Variants in C4orf54 observed in about 807,000 individuals in gnomAD.
C4orf54 encodes the protein uncharacterized protein C4orf54.
A neutral mutation model predicts 80.1 loss-of-function variants in C4orf54; 67 were observed. The observed-to-expected ratio is 0.84, with a 90% CI of 0.69 to 1.03. The LOEUF is 1.03. Ranked by LOEUF, C4orf54 falls within the 50% of genes least tolerant of loss-of-function variation. C4orf54 has a pLI of 0.00. For synonymous variants in C4orf54, 1,000 were observed against 917.0 expected, an observed-to-expected ratio of 1.09 and a Z score of -1.64; for missense variants, 2,434 against 2,253.5, an observed-to-expected ratio of 1.08 and a Z score of -1.62.
chr4:99,651,220 G>C lies in C4orf54; in HGVS notation c.3429C>G (p.Gly1143=). ...CCATGGGGGACAGGGATCCAGATCC[G>C]CCAGCTGCTGCAGACAGCTGCCTGG... ...PKPRQLSAAA[G]GSGSLSPMVI... Residue 1143 remains glycine (G), a synonymous_variant, in exon 2 of 3, where the codon GGC becomes GGG. Coordinates refer to ENST00000511828, the MANE Select transcript of C4orf54 (RefSeq NM_001354435.2). The C allele has an allele frequency of 6.5e-7, 1 of 1,536,134 alleles. No homozygotes were observed. Among genetic ancestry groups the C allele is most frequent in the Non-Finnish European group, 8.7e-7 (1 of 1,146,912 alleles).
At chr4:99,643,792 AC>A (rs10714195) in intron 2 of C4orf54, among the ~76,000 whole-genome samples, 56 of 98,906 alleles carry the variant, frequency 5.7e-4, no homozygotes, top group African/African-American at 1.9e-3. Context: ...ACACACACAC[AC>A]CCCCTCCGCG....
rs928812021 is a variant in C4orf54, at chr4:99,653,494, G to A, written c.1155C>T (p.Asp385=). The change falls in exon 2 of 3, where the codon GAC becomes GAT. Residue 385 remains aspartate, a synonymous_variant. Transcript: ENST00000511828. ...AATCCCAGCGGGAGGCCAGTCCCAC[G>A]TCGAAATCCATGTCCTGTTCCACCT... ...LSEVEQDMDF[D]VGLASRWDFE... The A allele has an allele frequency of 2.6e-6, 4 of 1,535,982 alleles. No individual in the cohort carries two copies. Among genetic ancestry groups the A allele is most frequent in the East Asian group, 2.4e-5 (1 of 40,922 alleles).
At position 99,650,634 on chromosome 4, in the gene C4orf54, G is replaced by T. The variant is rs1372364684; in HGVS notation, c.4015C>A (p.Arg1339Ser). The change falls in exon 2 of 3, where the codon CGT becomes AGT. Residue 1339 changes from arginine to serine, a missense_variant. Coordinates refer to ENST00000511828, the MANE Select transcript of C4orf54 (RefSeq NM_001354435.2). ...GVVLRGAPIE[R>S]LQRRNSNPSA... is the part of the protein sequence containing the mutation. ...GGGTTGGAGTTTCTCCGCTGCAGAC[G>T]TTCTATGGGGGCCCCTCGCAGGACC... 3 of 1,535,988 alleles carry T rather than the reference G, an allele frequency of 2.0e-6. No homozygotes were observed. The highest frequency in any genetic ancestry group is 2.7e-5 in the African/African-American group (2 of 73,016).
At chr4:99,643,793 C>CACACACACACACACACA (rs1553929797) in intron 2 of C4orf54, among the ~76,000 whole-genome samples, 3 of 75,238 alleles carry the variant, frequency 4.0e-5, no homozygotes, top group Admixed American at 1.7e-4. Context: ...CACACACACA[C>CACACACACACACACACA]CCCCTCCGCG....
chr4:99,650,830 G>A lies in C4orf54; in HGVS notation c.3819C>T (p.Asn1273=), dbSNP rs779459014. ...AGGGGTCGCTTTTGCGCTTCCACTC[G>A]TTCCTGTTGAAGCTGTACAGCTCTT... ...SMEELYSFNR[N]EWKRKSDPLP... The change falls in exon 2 of 3, where the codon AAC becomes AAT. Residue 1273 remains asparagine (N), a synonymous_variant. Transcript: ENST00000511828. The A allele has an allele frequency of 8.5e-6, 13 of 1,536,070 alleles. No homozygotes were observed. The highest frequency in any genetic ancestry group is 3.9e-5 in the Admixed American group (2 of 50,992).
Position 99,652,950 on chromosome 4 carries a change from G to A in C4orf54, c.1699C>T (p.Leu567=), listed in dbSNP as rs1463013072. 1 of 1,536,182 alleles carries A rather than the reference G, an allele frequency of 6.5e-7. No homozygotes were observed. Among genetic ancestry groups the A allele is most frequent in the Non-Finnish European group, 8.7e-7 (1 of 1,146,924 alleles). Residue 567 remains leucine (L), a synonymous_variant, in exon 2 of 3, where the codon CTG becomes TTG. Coordinates refer to ENST00000511828, the MANE Select transcript of C4orf54 (RefSeq NM_001354435.2). ...ACTGCTGCAGCCGGGTTTTGCTTCAGCGAACTTGAATTGTGTTCAGCAGCT... is the reference window on the plus strand; with the variant it reads ...ACTGCTGCAGCCGGGTTTTGCTTCAACGAACTTGAATTGTGTTCAGCAGCT... ...STAAEHNSSS[L]KQNPAAAVAQ...
chr4:99,651,484 A>C lies in C4orf54; in HGVS notation c.3165T>G (p.Gly1055=). The change falls in exon 2 of 3, where the codon GGT becomes GGG. Residue 1055 remains glycine, a synonymous_variant. Coordinates refer to ENST00000511828, the MANE Select transcript of C4orf54 (RefSeq NM_001354435.2). ...IAKLLTPKLA[G]GSASNLFKTI... ...TCTTGAACAGGTTAGAGGCGCTGCC[A>C]CCGGCCAGCTTGGGCGTGAGCAACT... The C allele has an allele frequency of 6.5e-7, 1 of 1,536,152 alleles. No homozygotes were observed. The highest frequency in any genetic ancestry group is 8.7e-7 in the Non-Finnish European group (1 of 1,146,896).
rs928844526 is a variant in C4orf54, at chr4:99,654,620, C to A, written c.29G>T (p.Arg10Leu). 7.2e-6 allele frequency: 5 copies of A among 695,432 alleles called. No individual in the cohort carries two copies. The highest frequency in any genetic ancestry group is 1.8e-5 in the African/African-American group (1 of 57,094). 43.1% of individuals were successfully genotyped at this position (695,432 alleles called of 1,614,324 possible). The change falls in exon 2 of 3, where the codon CGG (arginine) becomes CTG (leucine). Residue 10 changes from arginine (R) to leucine (L), a missense_variant. Coordinates refer to ENST00000511828, the MANE Select transcript of C4orf54 (RefSeq NM_001354435.2). Reference sequence around the variant, plus strand: ...AGAAGCAGCATCTGTAGGTTGACCCCGGGACTTCCAGAAATGAAAGGAAAG... The same window carrying A: ...AGAAGCAGCATCTGTAGGTTGACCCAGGGACTTCCAGAAATGAAAGGAAAG... MLSFHFWKS[R>L]GQPTDAASSV...
At chr4:99,642,066 TA>T (rs1247811367) in intron 2 of C4orf54, among the ~76,000 whole-genome samples, 3 of 152,184 alleles carry the variant, frequency 2.0e-5, no homozygotes, top group African/African-American at 7.2e-5. Flanking sequence ...AAAAGAAGTC[TA>T]TAAGAATAAT....
Position 99,651,939 on chromosome 4 carries a change from G to T in C4orf54, c.2710C>A (p.Arg904Ser), listed in dbSNP as rs930475098. The part of the protein sequence containing the change: ...KSPVFKASTP[R>S]ERNAGPGRNF... The stretch of plus-strand genomic sequence containing the variant: ...CGGCCAGGGCCTGCGTTGCGCTCGC[G>T]AGGAGTACTGGCTTTGAAGACTGGA... The change falls in exon 2 of 3, where the codon CGC (arginine) becomes AGC (serine). Residue 904 changes from arginine (R) to serine (S), a missense_variant. Transcript: ENST00000511828. The T allele has an allele frequency of 1.0e-5, 16 of 1,536,104 alleles. No individual in the cohort carries two copies. The highest frequency in any genetic ancestry group is 1.3e-5 in the Non-Finnish European group (15 of 1,146,902).
rs1052549206 is a variant in C4orf54 at position 99,637,602 on chromosome 4, T to G, written c.*3631A>C. The G allele has an allele frequency of 2.0e-5, 3 of 152,216 alleles. No individual in the cohort carries two copies. The highest frequency in any genetic ancestry group is 7.2e-5 in the African/African-American group (3 of 41,462). The allele number at this position is 152,216 out of a possible 1,614,324, so 9.4% of individuals were successfully genotyped here. A position where few individuals can be genotyped will look rare whatever the true frequency, so the allele number is the denominator to read the frequency against. On this transcript the variant is annotated 3_prime_UTR_variant, in exon 3 of 3. Transcript: ENST00000511828. ...TATATATCTTATTTCTACATATATC[T>G]CCTTAGAAATTATGTGAAAGCCTAA... is the stretch of plus-strand genomic sequence containing the variant.
intron 2 of C4orf54, among the ~76,000 whole-genome samples, chr4:99,645,803 T>C (rs1404036937): frequency 6.6e-6 from 1 of 152,228 alleles, no homozygotes; most frequent in Non-Finnish European, 1.5e-5. Context: ...CTGCTGTGCC[T>C]AGTACACTGG....
Position 99,649,389 on chromosome 4 carries a change from C to T in C4orf54, c.5260G>A (p.Ala1754Thr), listed in dbSNP as rs1021286057. 8.5e-6 allele frequency: 13 copies of T among 1,536,114 alleles called. No homozygotes were observed. The highest frequency in any genetic ancestry group is 5.5e-5 in the African/African-American group (4 of 73,140). Residue 1754 changes from alanine (A) to threonine (T), a missense_variant, in exon 2 of 3, where the codon GCC becomes ACC. Transcript: ENST00000511828. The stretch of plus-strand genomic sequence containing the variant: ...GGCTTGCCATGCAGCTGGGCAAAGG[C>T]CTTGGCCCCTAGGAGCTGGGATGTG... ...AATSQLLGAK[A>T]FAQLHGKPVI...
intron 2 of C4orf54, among the ~76,000 whole-genome samples, chr4:99,643,801 G>A (rs923907883): frequency 1.2e-5 from 1 of 82,482 alleles, no homozygotes; most frequent in African/African-American, 3.6e-5. Flanking sequence ...CACCCCCTCC[G>A]CGGCAGTAAA....
rs1726507666 is a variant in C4orf54 at position 99,636,679 on chromosome 4, G to A, written c.*4554C>T. 6.6e-6 allele frequency: 1 copy of A among 152,110 alleles called. No homozygotes were observed. Among genetic ancestry groups the A allele is most frequent in the Admixed American group, 6.6e-5 (1 of 15,254 alleles). The allele number at this position is 152,110 out of a possible 1,614,324, so 9.4% of individuals were successfully genotyped here. ...AGTAGCCTAGTCTCACAGAATCCTT[G>A]TCTAAATAGTTTACTCCATATTCAA... On this transcript the variant is annotated 3_prime_UTR_variant, in exon 3 of 3. Transcript: ENST00000511828.
Position 99,651,204 on chromosome 4 carries a change from A to G in C4orf54, c.3445T>C (p.Ser1149Pro), listed in dbSNP as rs1726817026. The G allele has an allele frequency of 7.2e-6, 11 of 1,535,834 alleles. No individual in the cohort carries two copies. The highest frequency in any genetic ancestry group is 9.6e-6 in the Non-Finnish European group (11 of 1,146,872). ...GCCTGGCATGTAATCACCATGGGGGACAGGGATCCAGATCCGCCAGCTGCT... is the reference window on the plus strand; with the variant it reads ...GCCTGGCATGTAATCACCATGGGGGGCAGGGATCCAGATCCGCCAGCTGCT... ...SAAAGGSGSL[S>P]PMVITCQAVV... Residue 1149 changes from serine to proline, a missense_variant, in exon 2 of 3, where the codon TCC (serine) becomes CCC (proline). Coordinates refer to ENST00000511828, the MANE Select transcript of C4orf54 (RefSeq NM_001354435.2).
chr4:99,654,590 A>T lies in C4orf54; in HGVS notation c.59T>A (p.Val20Glu). The T allele has an allele frequency of 1.4e-6, 1 of 702,838 alleles. No homozygotes were observed. The allele number at this position is 702,838 out of a possible 1,614,324, so 43.5% of individuals were successfully genotyped here. A position where few individuals can be genotyped will look rare whatever the true frequency, so the allele number is the denominator to read the frequency against. Reference protein sequence around the residue: ...RGQPTDAASSVADGIQTPRCC... With the variant: ...RGQPTDAASSEADGIQTPRCC... ...GCGAGGAGTCTGAATGCCATCGGCCACGGAAGAAGCAGCATCTGTAGGTTG... is the reference window on the plus strand; with the variant it reads ...GCGAGGAGTCTGAATGCCATCGGCCTCGGAAGAAGCAGCATCTGTAGGTTG... Residue 20 changes from valine (V) to glutamate (E), a missense_variant, in exon 2 of 3, where the codon GTG becomes GAG. Coordinates refer to ENST00000511828, the MANE Select transcript of C4orf54 (RefSeq NM_001354435.2).
At position 99,652,349 on chromosome 4, in the gene C4orf54, C is replaced by A; in HGVS notation, c.2300G>T (p.Gly767Val). The A allele has an allele frequency of 6.5e-7, 1 of 1,535,994 alleles. No homozygotes were observed. The highest frequency in any genetic ancestry group is 1.2e-5 in the South Asian group (1 of 84,044). ...GGGGCCTTTGGTGGCCCTGCCGGGC[C>A]CAGGGGCCGAGCTGGCTTTGCTCTC... The part of the protein sequence containing the change: ...RSESKASSAP[G>V]PGRATKGPGK... Residue 767 changes from glycine to valine, a missense_variant, in exon 2 of 3, where the codon GGG (glycine) becomes GTG (valine). Gly to Val is a moderately radical substitution (Grantham distance 109, BLOSUM62 -3). Coordinates refer to ENST00000511828, the MANE Select transcript of C4orf54 (RefSeq NM_001354435.2).
In C4orf54 at chr4:99,649,349, G is replaced by A; in HGVS notation, c.5300C>T (p.Thr1767Ile). The A allele has an allele frequency of 1.3e-6, 2 of 1,536,152 alleles. No individual in the cohort carries two copies. The highest frequency in any genetic ancestry group is 1.7e-6 in the Non-Finnish European group (2 of 1,146,906). ...GATCCGTGGCCCCAGGGGCTGCGAA[G>A]TAATGCTGATGACAGGCTTGCCATG... The part of the protein sequence containing the change: ...QLHGKPVISI[T>I]SQPLGPRIIA... The change falls in exon 2 of 3, where the codon ACT becomes ATT. Residue 1767 changes from threonine (T) to isoleucine (I), a missense_variant. Thr to Ile is a moderately conservative substitution (Grantham distance 89, BLOSUM62 -1). Transcript: ENST00000511828.
Sources: allele counts gnomAD v4.1 joint callset (sites outside exome capture counted in the v4.1 genomes callset), GRCh38; gene constraint gnomAD v4.1.1; transcripts MANE v1.5; gene names NCBI Gene and HGNC (gene_info 2026-07-23, HGNC 2026-07-21).